The following WDR27 variants were observed in gnomAD, a reference collection of about 807,000 sequenced individuals.
WDR27 encodes the protein WD repeat domain 27.
A neutral mutation model predicts 114.4 loss-of-function variants in WDR27; 100 were observed. The ratio of observed to expected loss-of-function variants is 0.87; its 90% CI spans 0.74 to 1.03. WDR27 has a LOEUF of 1.03. WDR27 is among the 50% of genes least tolerant of loss of function. The pLI, the probability that WDR27 is intolerant of heterozygous loss-of-function variation, is 0.00. For synonymous variants in WDR27, 449 were observed against 423.1 expected, an observed-to-expected ratio of 1.06 and a Z score of -0.75; for missense variants, 1,129 against 1,092.9, an observed-to-expected ratio of 1.03 and a Z score of -0.47.
chr6:169,598,594 G>C, intron 23 of WDR27, among the ~76,000 whole-genome samples: 1 of 152,222 alleles, frequency 6.6e-6, no homozygotes, highest in East Asian at 1.9e-4. Flanking sequence ...TTCAAACCTA[G>C]CTAGTGTCCC....
chr6:169,522,409 G>A (rs182079554), intron 25 of WDR27, among the ~76,000 whole-genome samples: 2 of 152,096 alleles, frequency 1.3e-5, no homozygotes, highest in South Asian at 2.1e-4. Context: ...GTAATGAACA[G>A]ATCATCCATA....
At chr6:169,426,924 T>C in the WDR27 span, 1 of 132,494 alleles carries the variant, frequency 7.5e-6, no homozygotes, top group Non-Finnish European at 1.6e-5. Context: ...CAGCCCCACA[T>C]CATCCGTCCC....
chr6:169,607,390 G>A (rs551358127), intron 22 of WDR27, among the ~76,000 whole-genome samples: 64 of 114,822 alleles, frequency 5.6e-4, no homozygotes, highest in African/African-American at 1.4e-3. Flanking sequence ...ACTTGTGTGT[G>A]TATACACACA....
intron 12 of WDR27, 104 bp downstream of exon 12, chr6:169,658,982 C>A: frequency 7.0e-7 from 1 of 1,432,720 alleles, no homozygotes; most frequent in Non-Finnish European, 9.1e-7. Flanking sequence ...CCACCGCGCC[C>A]GGCCAGAGCT....
the WDR27 span, among the ~76,000 whole-genome samples, chr6:169,428,447 C>T: frequency 1.4e-4 from 22 of 152,166 alleles, no homozygotes; most frequent in Non-Finnish European, 2.8e-4. Context: ...TGTTCTTAAA[C>T]AGATATATTT....
chr6:169,611,726 G>T (rs1810579499), intron 22 of WDR27, among the ~76,000 whole-genome samples: 1 of 152,030 alleles, frequency 6.6e-6, no homozygotes, highest in Non-Finnish European at 1.5e-5. Context: ...ACAAACATTA[G>T]CCTAGGCCTG....
chr6:169,630,369 C>T (rs569346557), intron 21 of WDR27, among the ~76,000 whole-genome samples: 2 of 152,144 alleles, frequency 1.3e-5, no homozygotes, highest in Admixed American at 1.3e-4. Context: ...TTCAAATCGG[C>T]GCATGTCAAG....
intron 25 of WDR27, among the ~76,000 whole-genome samples, chr6:169,483,829 C>A (rs1350809648): frequency 6.6e-6 from 1 of 151,906 alleles, no homozygotes; most frequent in Admixed American, 6.6e-5. Context: ...TAATCCACCA[C>A]AATCTAGTAG....
At chr6:169,507,549 C>T (rs371077398) in intron 25 of WDR27, among the ~76,000 whole-genome samples, 1 of 152,156 alleles carries the variant, frequency 6.6e-6, no homozygotes, top group Non-Finnish European at 1.5e-5. Context: ...GCTCCTAGAT[C>T]CCTCACCCAG....
chr6:169,553,123 G>A (rs1380281985), intron 25 of WDR27, among the ~76,000 whole-genome samples: 3 of 151,356 alleles, frequency 2.0e-5, no homozygotes, highest in Admixed American at 1.3e-4. Flanking sequence ...GGGCCTGGGC[G>A]GGGACGCCAT....
chr6:169,593,108 T>C (rs1806080280), intron 23 of WDR27, among the ~76,000 whole-genome samples: 1 of 152,254 alleles, frequency 6.6e-6, no homozygotes, highest in Non-Finnish European at 1.5e-5. Flanking sequence ...CTTTCTGAAA[T>C]TTCATCAAGT....
chr6:169,672,365 A>G lies in WDR27; in HGVS notation c.221T>C (p.Ile74Thr). 6.2e-7 allele frequency: 1 copy of G among 1,610,718 alleles called. No individual in the cohort carries two copies. Among genetic ancestry groups the G allele is most frequent in the Non-Finnish European group, 8.5e-7 (1 of 1,178,098 alleles). Residue 74 changes from isoleucine to threonine, a missense_variant, in exon 3 of 26, where the codon ATT becomes ACT. By Grantham distance (89) the Ile-to-Thr change is moderately conservative (BLOSUM62 -1). Coordinates refer to ENST00000448612, the MANE Select transcript of WDR27 (RefSeq NM_182552.5). ...TTTATTTCCAAAAGCCATAGCAGTA[A>G]TTGGCTGATGGTGTCCTCGTAGGAT... ...LLILRGHHQP[I>T]TAMAFGNKVN... is the part of the protein sequence containing the mutation.
chr6:169,662,540 G>A (rs1418978483), intron 8 of WDR27, 116 bp from the exon 9 acceptor site: 17 of 1,341,890 alleles, frequency 1.3e-5, no homozygotes, highest in Middle Eastern at 1.8e-4. Context: ...GGAGTCACTC[G>A]GATCACGCGT....
At chr6:169,439,220 T>C in the WDR27 span, among the ~76,000 whole-genome samples, 4 of 152,210 alleles carry the variant, frequency 2.6e-5, no homozygotes, top group African/African-American at 9.6e-5. Context: ...GCATTATTGA[T>C]GTGAATGCTT....
intron 21 of WDR27, among the ~76,000 whole-genome samples, chr6:169,629,926 T>G: frequency 1.5e-5 from 1 of 68,862 alleles, no homozygotes; most frequent in Non-Finnish European, 2.5e-5. Context: ...AAACTTCATC[T>G]CAAAAAAAAA....
chr6:169,609,963 C>T (rs748665577), intron 22 of WDR27, among the ~76,000 whole-genome samples: 5 of 152,220 alleles, frequency 3.3e-5, no homozygotes, highest in Non-Finnish European at 7.3e-5. Flanking sequence ...GTCCACAAAT[C>T]TCTAGGGCAG....
intron 10 of WDR27, among the ~76,000 whole-genome samples, chr6:169,660,196 G>A (rs1825666414): frequency 1.4e-5 from 2 of 142,616 alleles, no homozygotes; most frequent in African/African-American, 2.5e-5. Context: ...GGGTCTTGGG[G>A]GAGGGGGTGG....
At chr6:169,600,144 T>C (rs1213146038) in intron 23 of WDR27, among the ~76,000 whole-genome samples, 1 of 152,248 alleles carries the variant, frequency 6.6e-6, no homozygotes, top group Non-Finnish European at 1.5e-5. Flanking sequence ...TTATAATTTC[T>C]GCTCTTTTAC....
intron 24 of WDR27, among the ~76,000 whole-genome samples, chr6:169,575,730 T>C (rs1461346014): frequency 2.6e-5 from 4 of 152,206 alleles, no homozygotes; most frequent in Non-Finnish European, 4.4e-5. Flanking sequence ...TGATGCACCA[T>C]CTAATAGATT....
Sources: gnomAD v4.1 joint callset for allele counts (sites outside exome capture counted in the v4.1 genomes callset) on GRCh38, gnomAD v4.1.1 for gene constraint, MANE v1.5 for transcripts, NCBI Gene and HGNC (gene_info 2026-07-23, HGNC 2026-07-21) for gene names.